Variants in SYN1 observed in about 807,000 individuals in gnomAD.
The protein encoded by SYN1 is synapsin-1.
SYN1 carries 8 observed loss-of-function variants against 44.6 expected under a neutral mutation model. The ratio of observed to expected loss-of-function variants is 0.18; its 90% CI spans 0.11 to 0.32. The LOEUF is 0.32. Ranked by LOEUF, SYN1 falls within the 10% of genes least tolerant of loss-of-function variation. The pLI, the probability that SYN1 is intolerant of heterozygous loss-of-function variation, is 1.00. For synonymous variants in SYN1, 275 were observed against 280.1 expected (o/e 0.98, Z 0.18); for missense variants, 451 against 639.4 (o/e 0.71, Z 3.18).
rs962846052 is a variant in SYN1 at position 47,603,206 on chromosome X, T to C, written c.774+1772A>G. On this transcript the variant is annotated intron_variant, in intron 5 of 12. Transcript: ENST00000295987. ...GTTTAATTTTATTTACTTATTTATT[T>C]AATGTTTTGAGACAGGGTCTCACTC... 7.2e-5 allele frequency among the ~76,000 whole-genome samples: 8 copies of C among 111,531 alleles called. No homozygotes were observed. In the East Asian group the frequency reaches 2.2e-3, roughly 31 times the overall value.
At chrX:47,579,849 G>GCCCCCCCCCCCCCCCCCCCCC (rs140381513) in intron 5 of SYN1, among the ~76,000 whole-genome samples, 9 of 83,161 alleles carry the variant, frequency 1.1e-4, no homozygotes, top group Admixed American at 1.4e-4. Flanking sequence ...TGTTTTTGTC[G>GCCCCCCCCCCCCCCCCCCCCC]CCCCCCCACC....
intron 5 of SYN1, among the ~76,000 whole-genome samples, chrX:47,593,459 G>C (rs927439830): frequency 2.1e-4 from 23 of 109,753 alleles, no homozygotes; most frequent in African/African-American, 7.3e-4. Flanking sequence ...AGTAGAGATG[G>C]GGTTTTACCA....
chrX:47,614,569 G>A (rs934929658), intron 1 of SYN1, among the ~76,000 whole-genome samples: 65 of 112,204 alleles, frequency 5.8e-4, no homozygotes, highest in African/African-American at 2.0e-3. Context: ...TGGAAATGCC[G>A]TTCCCCAATG....
chrX:47,619,534 G>A lies in SYN1; in HGVS notation c.195C>T (p.Ala65=). The A allele has an allele frequency of 8.4e-7, 1 of 1,192,952 alleles. No homozygotes were observed. Among genetic ancestry groups the A allele is most frequent in the Non-Finnish European group, 1.1e-6 (1 of 888,311 alleles). Residue 65 remains alanine (A), a synonymous_variant, in exon 1 of 13, where the codon GCC becomes GCT. Coordinates refer to ENST00000295987, the MANE Select transcript of SYN1 (RefSeq NM_006950.3). ...SGVAPAASPA[A]PSPGSSGGGG... ...CGCCCCCCGAGGACCCGGGGCTAGG[G>A]GCGGCCGGAGAGGCCGCTGGGGCGA...
At chrX:47,585,523 C>T (rs776181747) in intron 5 of SYN1, 74 of 1,197,257 alleles carry the variant, frequency 6.2e-5, no homozygotes, top group Non-Finnish European at 7.5e-5. Context: ...TGTCGGTCCC[C>T]GCCCCGCCTT....
At chrX:47,607,741 A>AAC (rs1363971927) in intron 1 of SYN1, among the ~76,000 whole-genome samples, 19 of 107,946 alleles carry the variant, frequency 1.8e-4, no homozygotes, top group Admixed American at 5.0e-4. Context: ...AAAAAAAAAA[A>AAC]AAAACAAAAG....
chrX:47,605,947 C>A lies in SYN1; in HGVS notation c.528-568G>T, dbSNP rs750510581. On this transcript the variant is annotated intron_variant, in intron 3 of 12. Coordinates refer to ENST00000295987, the MANE Select transcript of SYN1 (RefSeq NM_006950.3). Reference sequence around the variant, plus strand: ...ACGGACTGTTGCTCTGTTGTCCAGGCGCTGGAGCAATCATGGCTCACTGTA... The same window carrying A: ...ACGGACTGTTGCTCTGTTGTCCAGGAGCTGGAGCAATCATGGCTCACTGTA... Among the ~76,000 whole-genome samples the A allele has an allele frequency of 7.4e-5, 8 of 108,674 alleles. No individual in the cohort carries two copies. In the East Asian group the frequency reaches 1.7e-3, roughly 23 times the overall value. The allele number at this position is 108,674 out of a possible 115,157, so 94.4% of individuals were successfully genotyped here. A position where few individuals can be genotyped will look rare whatever the true frequency, so the allele number is the denominator to read the frequency against.
chrX:47,607,000 T>G lies in SYN1; in HGVS notation c.472A>C (p.Asn158His), dbSNP rs759485248. ...FSDLNLVAHANGGFSVDMEVL... is the reference protein window; with the variant it reads ...FSDLNLVAHAHGGFSVDMEVL... ...TCCATATCCACAGAGAATCCACCAT[T>G]GGCATGGGCCACAAGGTTGAGATCA... Residue 158 changes from asparagine (N) to histidine (H), a missense_variant, in exon 3 of 13, where the codon AAT becomes CAT. This residue lies in a region of SYN1 where 315 missense variants were observed against 451.4 expected (regional missense o/e 0.70). Transcript: ENST00000295987. 1 of 1,210,746 alleles carries G rather than the reference T, an allele frequency of 8.3e-7. No homozygotes were observed. The highest frequency in any genetic ancestry group is 1.1e-6 in the Non-Finnish European group (1 of 895,245).
At chrX:47,602,029 CAACT>C (rs747860182) in intron 5 of SYN1, among the ~76,000 whole-genome samples, 5 of 112,294 alleles carry the variant, frequency 4.5e-5, no homozygotes, top group Non-Finnish European at 7.5e-5. Flanking sequence ...AATACTCAAC[CAACT>C]AAGAATAGAA....
chrX:47,593,761 C>T (rs1198004914), intron 5 of SYN1, among the ~76,000 whole-genome samples: 1 of 111,788 alleles, frequency 8.9e-6, no homozygotes, highest in African/African-American at 3.3e-5. Context: ...TAAAAACTTT[C>T]TCTATTTCTT....
chrX:47,595,569 T>C (rs1163585807), intron 5 of SYN1, among the ~76,000 whole-genome samples: 2 of 112,119 alleles, frequency 1.8e-5, no homozygotes, highest in Non-Finnish European at 3.8e-5. Flanking sequence ...CATGGTATTG[T>C]GAGAGCAGAA....
intron 5 of SYN1, among the ~76,000 whole-genome samples, chrX:47,602,854 G>C (rs6608733): frequency 0.077 from 8,500 of 110,720 alleles, 712 homozygotes; most frequent in East Asian, 0.23. Context: ...TCATTTATAT[G>C]AGTAAACATA....
chrX:47,606,816 T>A, intron 3 of SYN1, 129 bp downstream of exon 3: 1 of 631,393 alleles, frequency 1.6e-6, no homozygotes, highest in Non-Finnish European at 2.5e-6. Context: ...AGAAAAGTTG[T>A]CTCCCCACAT....
intron 1 of SYN1, among the ~76,000 whole-genome samples, chrX:47,608,811 T>G (rs1223593671): frequency 9.3e-6 from 1 of 107,485 alleles, no homozygotes; most frequent in Non-Finnish European, 1.9e-5. Context: ...AGGTTTATCA[T>G]GGAAGGGGGA....
At chrX:47,586,508 T>C (rs2057827335) in intron 5 of SYN1, 3 of 1,208,738 alleles carry the variant, frequency 2.5e-6, no homozygotes, top group Non-Finnish European at 3.4e-6. Context: ...GATGTTTCCC[T>C]CCTCCCTTCC....
intron 5 of SYN1, chrX:47,584,964 A>G: frequency 8.3e-7 from 1 of 1,211,697 alleles, no homozygotes; most frequent in Non-Finnish European, 1.1e-6. Context: ...TGGGGACACC[A>G]GAAGTCAACC....
intron 1 of SYN1, among the ~76,000 whole-genome samples, chrX:47,609,745 C>T (rs1010267133): frequency 2.7e-5 from 3 of 111,738 alleles, no homozygotes; most frequent in Non-Finnish European, 5.7e-5. Context: ...GCAGCAGGTC[C>T]GGGCTGTGGT....
intron 5 of SYN1, among the ~76,000 whole-genome samples, chrX:47,581,766 G>A (rs758663224): frequency 3.6e-5 from 4 of 111,944 alleles, no homozygotes; most frequent in Non-Finnish European, 7.5e-5. Flanking sequence ...AGTAGGTGCT[G>A]TATAAATGCC....
intron 12 of SYN1, among the ~76,000 whole-genome samples, chrX:47,573,644 G>T (rs750820155): frequency 2.7e-5 from 3 of 111,226 alleles, no homozygotes; most frequent in Non-Finnish European, 5.7e-5. Flanking sequence ...TTGGTGGCGG[G>T]GGGGCGAGTT....
Sources: gnomAD v4.1 joint callset for allele counts (sites outside exome capture counted in the v4.1 genomes callset) on GRCh38, gnomAD v4.1.1 for gene constraint, gnomAD v4.1.1 regional missense constraint, MANE v1.5 for transcripts, NCBI Gene and HGNC (gene_info 2026-07-23, HGNC 2026-07-21) for gene names.